Variants in KAT6A observed in about 807,000 individuals in gnomAD.
The protein encoded by KAT6A is histone acetyltransferase KAT6A.
A neutral mutation model predicts 198.4 loss-of-function variants in KAT6A; 9 were observed. The observed-to-expected ratio is 0.05, with a 90% CI of 0.03 to 0.08. The LOEUF (loss-of-function observed/expected upper bound fraction) is 0.08, where lower values mean the gene tolerates loss of function less well. Among genes scored for constraint, KAT6A ranks in the 10% least tolerant of loss-of-function variants. The probability of loss-of-function intolerance (pLI) is 1.00; values close to 1 mark genes in which losing one functional copy is unlikely to be tolerated. For synonymous variants in KAT6A, 890 were observed against 883.0 expected (o/e 1.01, Z -0.14); for missense variants, 2,077 against 2,509.9 (o/e 0.83, Z 3.69).
intron 2 of KAT6A, among the ~76,000 whole-genome samples, chr8:42,012,065 ACTAT>A (rs1407286749): frequency 6.6e-6 from 1 of 152,198 alleles, no homozygotes; most frequent in East Asian, 1.9e-4. Context: ...ATGAAATACC[ACTAT>A]CTATTAGAAC....
chr8:42,020,676 G>A (rs1284726239), intron 2 of KAT6A, among the ~76,000 whole-genome samples: 1 of 152,176 alleles, frequency 6.6e-6, no homozygotes, highest in Non-Finnish European at 1.5e-5. Context: ...TAGTGCTACA[G>A]AAACGTGCTA....
chr8:42,021,401 CA>C (rs1268313378), intron 2 of KAT6A, among the ~76,000 whole-genome samples: 1 of 152,122 alleles, frequency 6.6e-6, no homozygotes, highest in African/African-American at 2.4e-5. Flanking sequence ...ACCACTGCAA[CA>C]ATGACATGAT....
intron 9 of KAT6A, among the ~76,000 whole-genome samples, chr8:41,953,113 C>A (rs1035785643): frequency 3.9e-5 from 6 of 152,190 alleles, no homozygotes; most frequent in African/African-American, 1.4e-4. Flanking sequence ...TCTCCTCACA[C>A]CTGTTTCTAA....
chr8:42,005,632 G>C, intron 2 of KAT6A, among the ~76,000 whole-genome samples: 1 of 152,210 alleles, frequency 6.6e-6, no homozygotes, highest in East Asian at 1.9e-4. Flanking sequence ...CAGAGAGGGA[G>C]TGAGGTTGGA....
rs2150855141 is a variant in KAT6A, at chr8:41,932,893, G to A, written c.5327C>T (p.Ala1776Val). ...AACACTGGTTGCATAGGAAGTCACA[G>A]CAGGAGAATGGCTATAAGGCATGGC... is the stretch of plus-strand genomic sequence containing the variant. The part of the protein sequence containing the change: ...PHAMPYSHSP[A>V]VTSYATSVSL... Residue 1776 changes from alanine to valine, a missense_variant, in exon 17 of 17, where the codon GCT becomes GTT. Ala to Val is a moderately conservative substitution (Grantham distance 64). This residue lies in a region of KAT6A where 500 missense variants were observed against 577.2 expected (regional missense o/e 0.87). Coordinates refer to ENST00000265713, the MANE Select transcript of KAT6A (RefSeq NM_006766.5). 1 of 1,614,192 alleles carries A rather than the reference G, an allele frequency of 6.2e-7. No homozygotes were observed. The highest frequency in any genetic ancestry group is 8.5e-7 in the Non-Finnish European group (1 of 1,180,032).
intron 2 of KAT6A, among the ~76,000 whole-genome samples, chr8:42,025,871 CTT>C (rs1377946188): frequency 2.6e-5 from 4 of 152,010 alleles, no homozygotes; most frequent in Non-Finnish European, 5.9e-5. Context: ...CTTGTAGCTT[CTT>C]GTCTTATGTT....
intron 5 of KAT6A, among the ~76,000 whole-genome samples, chr8:41,979,077 G>A (rs1209206667): frequency 6.6e-6 from 1 of 152,146 alleles, no homozygotes; most frequent in Non-Finnish European, 1.5e-5. Context: ...AGACCAGCCT[G>A]GCCAACATGG....
At chr8:41,988,224 T>C (rs886814699) in intron 2 of KAT6A, among the ~76,000 whole-genome samples, 6 of 152,110 alleles carry the variant, frequency 3.9e-5, no homozygotes, top group Non-Finnish European at 5.9e-5. Context: ...ATAAGTAGCA[T>C]AGACTTAGGT....
intron 2 of KAT6A, among the ~76,000 whole-genome samples, chr8:42,022,439 A>G (rs1826593332): frequency 1.3e-5 from 2 of 152,198 alleles, no homozygotes; most frequent in Non-Finnish European, 2.9e-5. Flanking sequence ...AATCAGGGTT[A>G]AAACAGCCTA....
chr8:41,947,934 A>C, intron 10 of KAT6A, 22 bp from the exon 11 acceptor site: 1 of 1,564,900 alleles, frequency 6.4e-7, no homozygotes, highest in Non-Finnish European at 8.6e-7. Flanking sequence ...AACAGAACAA[A>C]ACAGTCAGTA....
chr8:41,994,056 G>GA (rs111276929), intron 2 of KAT6A, among the ~76,000 whole-genome samples: 4,931 of 152,142 alleles, frequency 0.032, 186 homozygotes, highest in South Asian at 0.084. Flanking sequence ...GATAATCAGT[G>GA]AAAAAATCTG....
At chr8:41,944,720 A>G (rs1009130027) in intron 12 of KAT6A, among the ~76,000 whole-genome samples, 5 of 152,256 alleles carry the variant, frequency 3.3e-5, no homozygotes, top group Non-Finnish European at 7.3e-5. Context: ...TTTGTATACC[A>G]TACACACACA....
chr8:42,040,579 CA>C (rs1475147050), intron 2 of KAT6A, among the ~76,000 whole-genome samples: 2 of 150,932 alleles, frequency 1.3e-5, no homozygotes, highest in African/African-American at 4.9e-5. Context: ...ACTAAAAATA[CA>C]AAAAATTAGC....
At chr8:41,991,627 T>C (rs944501483) in intron 2 of KAT6A, among the ~76,000 whole-genome samples, 29 of 152,160 alleles carry the variant, frequency 1.9e-4, no homozygotes, top group African/African-American at 6.0e-4. Flanking sequence ...TAAATTTAAA[T>C]TAATCAAAAA....
chr8:42,002,816 CA>C (rs1825561737), intron 2 of KAT6A, among the ~76,000 whole-genome samples: 3 of 152,178 alleles, frequency 2.0e-5, no homozygotes. Flanking sequence ...TGCAGTCAAA[CA>C]GCTTTGTACT....
At chr8:41,966,201 T>C (rs1156700144) in intron 8 of KAT6A, among the ~76,000 whole-genome samples, 1 of 151,980 alleles carries the variant, frequency 6.6e-6, no homozygotes, top group Non-Finnish European at 1.5e-5. Flanking sequence ...CAGTGGCAGG[T>C]TCTTGGAATA....
intron 2 of KAT6A, among the ~76,000 whole-genome samples, chr8:41,992,198 T>TAA (rs532312535): frequency 7.0e-6 from 1 of 142,654 alleles, no homozygotes; most frequent in Non-Finnish European, 1.5e-5. Flanking sequence ...AGACTGTCTT[T>TAA]AAAAAAAAAA....
intron 2 of KAT6A, among the ~76,000 whole-genome samples, chr8:41,997,811 T>C (rs1320287918): frequency 2.6e-5 from 4 of 152,188 alleles, no homozygotes; most frequent in African/African-American, 9.6e-5. Context: ...CTTCGGTGGG[T>C]ATTTGTTTCA....
intron 7 of KAT6A, among the ~76,000 whole-genome samples, chr8:41,976,522 A>C (rs1024312059): frequency 6.6e-6 from 1 of 152,202 alleles, no homozygotes; most frequent in Non-Finnish European, 1.5e-5. Flanking sequence ...CATGACTTAC[A>C]ACTATATTTG....
Sources: allele counts gnomAD v4.1 joint callset (sites outside exome capture counted in the v4.1 genomes callset), GRCh38; gene constraint gnomAD v4.1.1; regional missense constraint gnomAD v4.1.1; transcripts MANE v1.5; gene names NCBI Gene and HGNC (gene_info 2026-07-23, HGNC 2026-07-21).